The following ARMC9 variants were observed in gnomAD, a reference collection of about 807,000 sequenced individuals.
The protein encoded by ARMC9 is lisH domain-containing protein ARMC9.
In ARMC9, 94 loss-of-function variants were observed where a neutral mutation model predicts 107.0. That is an observed-to-expected ratio of 0.88 (90% CI 0.74 to 1.04). ARMC9 has a LOEUF of 1.04. Among genes scored for constraint, ARMC9 ranks in the 50% least tolerant of loss-of-function variants. The pLI is 0.00. For missense variants in ARMC9, 942 were observed against 1,030.1 expected (o/e 0.91, Z 1.17); for synonymous variants, 380 against 396.9 (o/e 0.96, Z 0.51).
intron 23 of ARMC9, among the ~76,000 whole-genome samples, chr2:231,366,183 G>GTTGGCAGAACCCCTTCTTGGC (rs1205068594): frequency 6.6e-6 from 1 of 152,214 alleles, no homozygotes; most frequent in Non-Finnish European, 1.5e-5. Context: ...AAGGCCATCA[G>GTTGGCAGAACCCCTTCTTGGC]TTGGCAGAAC....
At chr2:231,353,732 A>G (rs1431889252) in intron 21 of ARMC9, among the ~76,000 whole-genome samples, 1 of 151,530 alleles carries the variant, frequency 6.6e-6, no homozygotes, top group Non-Finnish European at 1.5e-5. Flanking sequence ...ACGACTGTGG[A>G]TGGAATGATG....
intron 14 of ARMC9, among the ~76,000 whole-genome samples, chr2:231,273,323 G>T (rs533814026): frequency 6.6e-6 from 1 of 152,338 alleles, no homozygotes; most frequent in East Asian, 1.9e-4. Flanking sequence ...TCGAGTGCCA[G>T]CCATGCAGGA....
intron 1 of ARMC9, among the ~76,000 whole-genome samples, 182 bp from the exon 2 acceptor site, chr2:231,206,016 A>C (rs1299260937): frequency 6.6e-6 from 1 of 152,202 alleles, no homozygotes; most frequent in East Asian, 1.9e-4. Context: ...TCAGCTGATG[A>C]GCAACCTTAA....
intron 18 of ARMC9, among the ~76,000 whole-genome samples, chr2:231,292,895 G>A (rs1007225098): frequency 6.6e-6 from 1 of 152,218 alleles, no homozygotes; most frequent in Non-Finnish European, 1.5e-5. Flanking sequence ...CTGGGGAGAT[G>A]TTTAAATCTT....
chr2:231,241,198 CAAAA>C (rs5839393), intron 9 of ARMC9, among the ~76,000 whole-genome samples: 32 of 116,164 alleles, frequency 2.8e-4, no homozygotes, highest in African/African-American at 7.4e-4. Flanking sequence ...GACTTAGTCT[CAAAA>C]AAAAAAAAAA....
At chr2:231,339,562 A>G (rs901326594) in intron 20 of ARMC9, among the ~76,000 whole-genome samples, 6 of 152,168 alleles carry the variant, frequency 3.9e-5, no homozygotes, top group African/African-American at 1.4e-4. Flanking sequence ...TCAGCCTCTC[A>G]GAGTGCTGGG....
At chr2:231,366,203 C>T (rs1196290550) in intron 23 of ARMC9, among the ~76,000 whole-genome samples, 7 of 152,158 alleles carry the variant, frequency 4.6e-5, no homozygotes, top group Non-Finnish European at 8.8e-5. Context: ...CCCCTTCTTG[C>T]TCAGGGAATA....
rs144320508 is a variant in ARMC9 at position 231,276,667 on chromosome 2, G to A, written c.1366G>A (p.Gly456Ser). ...RPLQTAMIQD[G>S]LIFWLVDVLK... is the part of the protein sequence containing the mutation. ...GCTGCAGACAGCGATGATTCAAGAC[G>A]GCCTCATCTTCTGGCTGGTTGATGT... Residue 456 changes from glycine to serine, a missense_variant, in exon 15 of 25, where the codon GGC becomes AGC. By Grantham distance (56) the Gly-to-Ser change is moderately conservative (BLOSUM62 0). Coordinates refer to ENST00000611582, the MANE Select transcript of ARMC9 (RefSeq NM_001352754.2). The A allele has an allele frequency of 1.9e-6, 3 of 1,614,130 alleles. No individual in the cohort carries two copies. The highest frequency in any genetic ancestry group is 2.5e-6 in the Non-Finnish European group (3 of 1,180,020).
Position 231,291,398 on chromosome 2 carries a change from GA to G in ARMC9, c.1675del (p.Met559Ter). On this transcript the variant is annotated frameshift_variant, in exon 18 of 25. Coordinates refer to ENST00000611582, the MANE Select transcript of ARMC9 (RefSeq NM_001352754.2). LOFTEE classifies it high-confidence loss of function. Reference protein sequence around the residue: ...LRCFIKEGNAEMIRQIEFIIK... With the variant: ...LRCFIKEGNAXMIRQIEFIIK... ...CTGCTTCATCAAAGAAGGCAATGCT[GA>G]AATGATCCGCCAGATAGAATTCATC... is the stretch of plus-strand genomic sequence containing the variant. 1 of 1,613,810 alleles carries G rather than the reference GA, an allele frequency of 6.2e-7. No homozygotes were observed. The highest frequency in any genetic ancestry group is 8.5e-7 in the Non-Finnish European group (1 of 1,179,848).
At chr2:231,321,825 A>C (rs891351973) in intron 19 of ARMC9, among the ~76,000 whole-genome samples, 1 of 152,090 alleles carries the variant, frequency 6.6e-6, no homozygotes, top group African/African-American at 2.4e-5. Flanking sequence ...ACCTCATGGA[A>C]GCTTTCTGCT....
chr2:231,282,932 TGAAA>T (rs2040320828), intron 17 of ARMC9, among the ~76,000 whole-genome samples: 1 of 151,662 alleles, frequency 6.6e-6, no homozygotes, highest in Non-Finnish European at 1.5e-5. Flanking sequence ...GTCATTTAGG[TGAAA>T]GAAAGGGGTT....
chr2:231,312,158 CT>C (rs1292904231), intron 19 of ARMC9, among the ~76,000 whole-genome samples: 1 of 152,186 alleles, frequency 6.6e-6, no homozygotes, highest in African/African-American at 2.4e-5. Context: ...ACTCATGTGG[CT>C]TCATTCGGCT....
chr2:231,301,905 G>T (rs909575237), intron 19 of ARMC9, among the ~76,000 whole-genome samples: 1 of 152,064 alleles, frequency 6.6e-6, no homozygotes, highest in Non-Finnish European at 1.5e-5. Context: ...TTTGAACCCG[G>T]GAGGTGGAGG....
At chr2:231,213,928 G>A (rs967563520) in intron 3 of ARMC9, among the ~76,000 whole-genome samples, 2 of 152,208 alleles carry the variant, frequency 1.3e-5, no homozygotes, top group Admixed American at 1.3e-4. Flanking sequence ...TTGGGCATTC[G>A]ATACAAAAAG....
chr2:231,211,158 AC>A lies in ARMC9; in HGVS notation c.177+2911del, dbSNP rs796834285. 4.8e-3 allele frequency among the ~76,000 whole-genome samples: 685 copies of A among 143,656 alleles called. 7 individuals are homozygous for A. Among genetic ancestry groups the A allele is most frequent in the African/African-American group, 0.017 (652 of 37,980 alleles). 94.2% of individuals were successfully genotyped at this position (143,656 alleles called of 152,430 possible). A position where few individuals can be genotyped will look rare whatever the true frequency, so the allele number is the denominator to read the frequency against. On this transcript the variant is annotated intron_variant, in intron 3 of 24. Coordinates refer to ENST00000611582, the MANE Select transcript of ARMC9 (RefSeq NM_001352754.2). ...CACATACACACACACACACACACAC[AC>A]CCCCACAGTTTATCTGTTCTTCTGT...
chr2:231,209,567 G>A (rs1385978422), intron 3 of ARMC9, among the ~76,000 whole-genome samples: 4 of 152,088 alleles, frequency 2.6e-5, no homozygotes, highest in Admixed American at 6.6e-5. Context: ...ACGGAGTTGC[G>A]CTCTGTTGCC....
intron 12 of ARMC9, among the ~76,000 whole-genome samples, chr2:231,266,237 A>G (rs2125421919): frequency 6.6e-6 from 1 of 152,336 alleles, no homozygotes; most frequent in Middle Eastern, 3.4e-3. Context: ...GGGTCCCACC[A>G]ACAGTTTCCA....
chr2:231,258,250 C>T (rs984966593), intron 10 of ARMC9, among the ~76,000 whole-genome samples: 4 of 152,010 alleles, frequency 2.6e-5, no homozygotes, highest in Admixed American at 6.6e-5. Flanking sequence ...GGTGCGATCT[C>T]GGCTCACTGC....
intron 20 of ARMC9, among the ~76,000 whole-genome samples, chr2:231,339,792 C>T (rs548923904): frequency 1.3e-5 from 2 of 152,310 alleles, no homozygotes; most frequent in African/African-American, 4.8e-5. Context: ...ATTATTCAGG[C>T]GTGGTAGCAC....
Sources: gnomAD v4.1 joint callset for allele counts (sites outside exome capture counted in the v4.1 genomes callset) on GRCh38, gnomAD v4.1.1 for gene constraint, MANE v1.5 for transcripts, NCBI Gene and HGNC (gene_info 2026-07-23, HGNC 2026-07-21) for gene names.